The following MSRB2 variants were observed in gnomAD, a reference collection of about 807,000 sequenced individuals.
MSRB2 encodes the protein methionine sulfoxide reductase B2, also known as methionine-R-sulfoxide reductase B2, mitochondrial.
A neutral mutation model predicts 19.0 loss-of-function variants in MSRB2; 17 were observed. The ratio of observed to expected loss-of-function variants is 0.89; its 90% CI spans 0.61 to 1.34. MSRB2 has a LOEUF of 1.34. Ranked by LOEUF, MSRB2 falls within the 40% of genes most tolerant of loss-of-function variation. The pLI, the probability that MSRB2 is intolerant of heterozygous loss-of-function variation, is 0.00. For synonymous variants in MSRB2, 107 were observed against 99.7 expected (o/e 1.07, Z -0.44); for missense variants, 208 against 237.6 (o/e 0.88, Z 0.82).
chr10:23,116,234 T>C (rs890146996), intron 3 of MSRB2, among the ~76,000 whole-genome samples: 2 of 152,176 alleles, frequency 1.3e-5, no homozygotes, highest in African/African-American at 4.8e-5. Flanking sequence ...AATCTATAAA[T>C]TTAGAAAAGG....
chr10:23,107,493 C>T (rs1345828516), intron 2 of MSRB2, among the ~76,000 whole-genome samples: 1 of 152,222 alleles, frequency 6.6e-6, no homozygotes, highest in Non-Finnish European at 1.5e-5. Flanking sequence ...CTATAATAAA[C>T]AACCATCAGT....
At chr10:23,101,549 G>A (rs1474052996) in intron 1 of MSRB2, among the ~76,000 whole-genome samples, 2 of 152,114 alleles carry the variant, frequency 1.3e-5, no homozygotes, top group Non-Finnish European at 2.9e-5. Flanking sequence ...TGGATTAAAT[G>A]GTATTCTACT....
At position 23,120,904 on chromosome 10, in the gene MSRB2, C is replaced by T. The variant is rs1420157605; in HGVS notation, c.*42C>T. 11 of 1,450,668 alleles carry T rather than the reference C, an allele frequency of 7.6e-6. No individual in the cohort carries two copies. The highest frequency in any genetic ancestry group is 9.6e-6 in the Non-Finnish European group (10 of 1,039,420). 89.9% of individuals were successfully genotyped at this position (1,450,668 alleles called of 1,614,324 possible). Reference sequence around the variant, plus strand: ...CGTTCCCTTGCCACCCCTTCACGTGCACCCTCAATTTCCACAATTCACTTG... The same window carrying T: ...CGTTCCCTTGCCACCCCTTCACGTGTACCCTCAATTTCCACAATTCACTTG... On this transcript the variant is annotated 3_prime_UTR_variant, in exon 5 of 5. Coordinates refer to ENST00000376510, the MANE Select transcript of MSRB2 (RefSeq NM_012228.4).
At position 23,096,352 on chromosome 10, in the gene MSRB2, C is replaced by CTGTGTGTGTGTGTGTG. The variant is rs767702970; in HGVS notation, c.118+632_118+647dup. Among the ~76,000 whole-genome samples, 159 of 142,830 alleles carry CTGTGTGTGTGTGTGTG rather than the reference C, an allele frequency of 1.1e-3. 1 individual carries two copies. The highest frequency in any genetic ancestry group is 5.1e-3 in the Admixed American group (75 of 14,636). 93.7% of individuals were successfully genotyped at this position (142,830 alleles called of 152,430 possible). ...TGTGTGTGTGTGTCTCTCTCTCTCT[C>CTGTGTGTGTGTGTGTG]TGTGTGTGTGTGTGTGTGTGTTTCT... is the stretch of plus-strand genomic sequence containing the variant. On this transcript the variant is annotated intron_variant, in intron 1 of 4. Transcript: ENST00000376510.
rs1840005599 is a variant in MSRB2 at position 23,108,202 on chromosome 10, C to T, written c.220-2040C>T. Among the ~76,000 whole-genome samples the T allele has an allele frequency of 2.0e-5, 3 of 152,032 alleles. No homozygotes were observed. In the South Asian group the frequency reaches 6.2e-4, roughly 32 times the overall value. ...TGAATTCCTGACCTCAGGTGATCCACCCGCCTTGGCCTCCCAAAGTGCTGG... is the reference window on the plus strand; with the variant it reads ...TGAATTCCTGACCTCAGGTGATCCATCCGCCTTGGCCTCCCAAAGTGCTGG... On this transcript the variant is annotated intron_variant, in intron 2 of 4. Transcript: ENST00000376510.
chr10:23,104,161 G>A lies in MSRB2; in HGVS notation c.136G>A (p.Glu46Lys). The A allele has an allele frequency of 6.2e-7, 1 of 1,613,666 alleles. No individual in the cohort carries two copies. Among genetic ancestry groups the A allele is most frequent in the Non-Finnish European group, 8.5e-7 (1 of 1,179,808 alleles). ...LGEAGSLATC[E>K]LPLAKSEWQK... ...CAATACAGGGTCTCTTGCAACGTGT[G>A]AGCTGCCTCTTGCCAAGAGTGAGTG... Residue 46 changes from glutamate to lysine, a missense_variant, in exon 2 of 5, where the codon GAG becomes AAG. Physicochemically the swap from Glu to Lys is moderately conservative, Grantham distance 56 (BLOSUM62 1). Coordinates refer to ENST00000376510, the MANE Select transcript of MSRB2 (RefSeq NM_012228.4).
intron 2 of MSRB2, among the ~76,000 whole-genome samples, chr10:23,104,799 T>C (rs1043665094): frequency 6.6e-6 from 1 of 152,046 alleles, no homozygotes; most frequent in African/African-American, 2.4e-5. Context: ...TGGGCTCCCT[T>C]CTCTTTTAAG....
chr10:23,097,746 A>C (rs541841112), intron 1 of MSRB2, among the ~76,000 whole-genome samples: 1 of 152,312 alleles, frequency 6.6e-6, no homozygotes, highest in African/African-American at 2.4e-5. Context: ...GTTGTTGTAA[A>C]GAATAACTTT....
intron 1 of MSRB2, among the ~76,000 whole-genome samples, chr10:23,102,724 G>C (rs1030561922): frequency 6.6e-6 from 1 of 152,158 alleles, no homozygotes; most frequent in African/African-American, 2.4e-5. Flanking sequence ...TTCCCCAGTA[G>C]TCTTTCACCC....
intron 2 of MSRB2, among the ~76,000 whole-genome samples, chr10:23,106,591 T>A (rs1309410888): frequency 6.6e-6 from 1 of 151,998 alleles, no homozygotes; most frequent in Non-Finnish European, 1.5e-5. Context: ...GATCAAAAGG[T>A]GGGATGGAGA....
At chr10:23,117,716 A>C (rs1405228914) in intron 3 of MSRB2, among the ~76,000 whole-genome samples, 2 of 152,090 alleles carry the variant, frequency 1.3e-5, no homozygotes, top group Non-Finnish European at 2.9e-5. Context: ...TCAGCCTCCC[A>C]AGTAGCTAGG....
chr10:23,110,394 T>C (rs1386379275), intron 3 of MSRB2, 76 bp downstream of exon 3: 1 of 1,224,820 alleles, frequency 8.2e-7, no homozygotes, highest in East Asian at 2.3e-5. Context: ...TTTGAGATCT[T>C]GGATAAATAA....
At position 23,104,244 on chromosome 10, in the gene MSRB2, G is replaced by T; in HGVS notation, c.219G>T (p.Pro73=). ...TCACAAGAGAAAAGGGAACGGAACCGGTAAGCTAAGCTGGTTTACAGTTTT... is the reference window on the plus strand; with the variant it reads ...TCACAAGAGAAAAGGGAACGGAACCTGTAAGCTAAGCTGGTTTACAGTTTT... ...FYVTREKGTE[P]PFSGIYLNNK... The change falls in exon 2 of 5, where the codon CCG becomes CCT. Residue 73 remains proline, a splice_region_variant and synonymous_variant. Transcript: ENST00000376510. 1 of 1,611,888 alleles carries T rather than the reference G, an allele frequency of 6.2e-7. No homozygotes were observed. Among genetic ancestry groups the T allele is most frequent in the Non-Finnish European group, 8.5e-7 (1 of 1,179,090 alleles).
chr10:23,102,296 C>T (rs928802056), intron 1 of MSRB2, among the ~76,000 whole-genome samples: 3 of 152,308 alleles, frequency 2.0e-5, no homozygotes, highest in South Asian at 4.1e-4. Flanking sequence ...TCCTACAAAA[C>T]TGCAAGACAG....
At position 23,110,301 on chromosome 10, in the gene MSRB2, C is replaced by A. The variant is rs751083342; in HGVS notation, c.279C>A (p.Cys93Ter). 4 of 1,613,486 alleles carry A rather than the reference C, an allele frequency of 2.5e-6. No homozygotes were observed. The highest frequency in any genetic ancestry group is 2.5e-6 in the Non-Finnish European group (3 of 1,179,688). ...KEAGMYHCVC[C>*]DSPLFSSEKK... Reference sequence around the variant, plus strand: ...CAGGAATGTATCATTGCGTGTGCTGCGACAGTCCACTCTTCAGGTAAGATA... The same window carrying A: ...CAGGAATGTATCATTGCGTGTGCTGAGACAGTCCACTCTTCAGGTAAGATA... Residue 93 changes from cysteine (C) to a stop codon, truncating the protein, a stop_gained, in exon 3 of 5, where the codon TGC becomes TGA. Coordinates refer to ENST00000376510, the MANE Select transcript of MSRB2 (RefSeq NM_012228.4). LOFTEE classifies it high-confidence loss of function.
intron 2 of MSRB2, among the ~76,000 whole-genome samples, chr10:23,107,685 A>C (rs867588506): frequency 6.6e-6 from 1 of 152,190 alleles, no homozygotes; most frequent in African/African-American, 2.4e-5. Flanking sequence ...TTGTCAGCTC[A>C]CGTGTGTCTT....
intron 4 of MSRB2, 93 bp downstream of exon 4, chr10:23,119,544 A>G: frequency 7.0e-7 from 1 of 1,434,288 alleles, no homozygotes; most frequent in East Asian, 2.3e-5. Context: ...GTCCTTTTAT[A>G]GGGGTACTTT....
chr10:23,114,962 T>C (rs1204263252), intron 3 of MSRB2, among the ~76,000 whole-genome samples: 1 of 152,182 alleles, frequency 6.6e-6, no homozygotes, highest in Non-Finnish European at 1.5e-5. Context: ...CCAGAAGACA[T>C]AACCAGCCTC....
rs972203953 is a variant in MSRB2, at chr10:23,095,698, C to T, written c.90C>T (p.Pro30=). 3 of 1,307,936 alleles carry T rather than the reference C, an allele frequency of 2.3e-6. No homozygotes were observed. Among genetic ancestry groups the T allele is most frequent in the Non-Finnish European group, 1.9e-6 (2 of 1,035,648 alleles). 81.0% of individuals were successfully genotyped at this position (1,307,936 alleles called of 1,614,324 possible). ...GGGGCCAAGCGGGCGGCGGCGGGCC[C>T]GGCACCGGGCCGGGACTGGGGGAGG... ...AVRGQAGGGG[P]GTGPGLGEAG... is the part of the protein sequence containing the mutation. Residue 30 remains proline, a synonymous_variant, in exon 1 of 5, where the codon CCC becomes CCT. Transcript: ENST00000376510.
Sources: allele counts gnomAD v4.1 joint callset (sites outside exome capture counted in the v4.1 genomes callset), GRCh38; gene constraint gnomAD v4.1.1; transcripts MANE v1.5; gene names NCBI Gene and HGNC (gene_info 2026-07-23, HGNC 2026-07-21).